The following SYBU variants were observed in gnomAD, a reference collection of about 807,000 sequenced individuals.
SYBU encodes the protein GOLSYN A protein.
In SYBU, 21 loss-of-function variants were observed where a neutral mutation model predicts 35.9. The ratio of observed to expected loss-of-function variants is 0.58; its 90% CI spans 0.41 to 0.84. The LOEUF is 0.84. SYBU is among the 40% of genes least tolerant of loss of function. The pLI is 0.00. For synonymous variants in SYBU, 319 were observed against 324.3 expected, an observed-to-expected ratio of 0.98 and a Z score of 0.18; for missense variants, 768 against 848.2, an observed-to-expected ratio of 0.91 and a Z score of 1.17.
At position 109,584,818 on chromosome 8, in the gene SYBU, A is replaced by C. The variant is rs1043419465; in HGVS notation, c.530+1242T>G. 6.6e-6 allele frequency among the ~76,000 whole-genome samples: 1 copy of C among 152,110 alleles called. No homozygotes were observed. Among genetic ancestry groups the C allele is most frequent in the Non-Finnish European group, 1.5e-5 (1 of 68,020 alleles). ...TGGAAAGGCAGGCTTTTGGAAACTA[A>C]ATAGATTTTCTCCAGGAAGAGACCT... is the stretch of plus-strand genomic sequence containing the variant. On this transcript the variant is annotated intron_variant, in intron 4 of 6. Transcript: ENST00000276646. The surrounding 1 kb of genome is among the most constrained non-coding windows in gnomAD (Gnocchi z 4.0).
chr8:109,575,515 G>A lies in SYBU; in HGVS notation c.1383C>T (p.Ser461=), dbSNP rs780668031. The part of the protein sequence containing the change: ...TESGDLELVH[S]TPGANVLELL... Reference sequence around the variant, plus strand: ...GCTCCAGGACGTTAGCCCCAGGGGTGGAATGCACAAGCTCCAGGTCACCAG... The same window carrying A: ...GCTCCAGGACGTTAGCCCCAGGGGTAGAATGCACAAGCTCCAGGTCACCAG... The change falls in exon 7 of 7, where the codon TCC becomes TCT. Residue 461 remains serine, a synonymous_variant. Transcript: ENST00000276646. 1 of 1,614,030 alleles carries A rather than the reference G, an allele frequency of 6.2e-7. No individual in the cohort carries two copies. The highest frequency in any genetic ancestry group is 8.5e-7 in the Non-Finnish European group (1 of 1,180,034).
At chr8:109,647,645 G>A (rs867353538), upstream of SYBU, 1 of 152,140 alleles carries the variant, frequency 6.6e-6, no homozygotes, top group Non-Finnish European at 1.5e-5. Flanking sequence ...ACCCCATAAG[G>A]GGCCCATCAG....
intron 3 of SYBU, among the ~76,000 whole-genome samples, chr8:109,595,021 T>G (rs1824703493): frequency 6.6e-6 from 1 of 152,190 alleles, no homozygotes; most frequent in Non-Finnish European, 1.5e-5. Context: ...GTAAGGATGA[T>G]GTAAGATAAT....
At chr8:109,594,701 C>T (rs926700050) in intron 3 of SYBU, among the ~76,000 whole-genome samples, 34 of 152,096 alleles carry the variant, frequency 2.2e-4, no homozygotes, top group Non-Finnish European at 3.4e-4. Flanking sequence ...GCATATGTCT[C>T]GCACGTGGCT....
At chr8:109,648,974 G>C (rs1052789595), upstream of SYBU, 2 of 135,422 alleles carry the variant, frequency 1.5e-5, no homozygotes, top group African/African-American at 5.6e-5. Flanking sequence ...GAGCATGTGT[G>C]ATTGATCAAC....
At chr8:109,676,452 T>A (rs3133925) in intron 1 of SYBU, among the ~76,000 whole-genome samples, 135,108 of 152,246 alleles carry the variant, frequency 0.89, 59,979 homozygotes, top group East Asian at 0.96. Context: ...TAGGATACAA[T>A]ATCAATGTGC....
intron 1 of SYBU, among the ~76,000 whole-genome samples, chr8:109,655,054 C>T (rs1420908584): frequency 6.6e-6 from 1 of 152,194 alleles, no homozygotes; most frequent in African/African-American, 2.4e-5. Context: ...CAAATGAAAT[C>T]TTTCAATGCT....
At chr8:109,634,466 T>G (rs75503437) in intron 2 of SYBU, among the ~76,000 whole-genome samples, 1 of 152,242 alleles carries the variant, frequency 6.6e-6, no homozygotes, top group Non-Finnish European at 1.5e-5. Context: ...ACTACTAAGA[T>G]AGTGCCATGC....
chr8:109,632,430 T>G (rs976355498), intron 2 of SYBU, among the ~76,000 whole-genome samples: 2 of 152,252 alleles, frequency 1.3e-5, no homozygotes, highest in Non-Finnish European at 2.9e-5. Context: ...TGAGTTGTCT[T>G]GTAGCAATGT....
In SYBU at chr8:109,642,841, T is replaced by A; in HGVS notation, c.116A>T (p.His39Leu). 6.2e-7 allele frequency: 1 copy of A among 1,612,782 alleles called. No individual in the cohort carries two copies. The highest frequency in any genetic ancestry group is 8.5e-7 in the Non-Finnish European group (1 of 1,179,414). The change falls in exon 2 of 7, where the codon CAC becomes CTC. Residue 39 changes from histidine (H) to leucine (L), a missense_variant. Transcript: ENST00000276646. ...AGACTCAGAGGCTGGGGACACTTTGTGCTGTTGTTGGGGCATATGGGGCCG... is the reference window on the plus strand; with the variant it reads ...AGACTCAGAGGCTGGGGACACTTTGAGCTGTTGTTGGGGCATATGGGGCCG... ...ILRPHMPQQQHKVSPASESPF... is the reference protein window; with the variant it reads ...ILRPHMPQQQLKVSPASESPF...
At chr8:109,656,688 A>G (rs1816368869) in intron 1 of SYBU, among the ~76,000 whole-genome samples, 1 of 152,188 alleles carries the variant, frequency 6.6e-6, no homozygotes, top group Admixed American at 6.5e-5. Context: ...TTCAACAAAT[A>G]TTAATTGAGC....
chr8:109,638,828 A>G (rs1176907460), intron 2 of SYBU, among the ~76,000 whole-genome samples: 1 of 152,180 alleles, frequency 6.6e-6, no homozygotes, highest in Admixed American at 6.5e-5. Context: ...TGCTGATGAA[A>G]TGCACAAAAC....
intron 3 of SYBU, among the ~76,000 whole-genome samples, chr8:109,618,412 C>G (rs993094605): frequency 6.6e-6 from 1 of 152,134 alleles, no homozygotes; most frequent in African/African-American, 2.4e-5. Flanking sequence ...ATGCCCAGCT[C>G]TACATATTTG....
upstream of SYBU, chr8:109,647,650 C>T (rs1815842991): frequency 6.6e-6 from 1 of 152,222 alleles, no homozygotes; most frequent in Non-Finnish European, 1.5e-5. Context: ...ATAAGGGGCC[C>T]ATCAGTGCAA....
intron 3 of SYBU, among the ~76,000 whole-genome samples, chr8:109,589,245 T>C (rs192372124): frequency 5.3e-5 from 8 of 152,162 alleles, no homozygotes; most frequent in Admixed American, 2.0e-4. Flanking sequence ...CAAAGCCTGC[T>C]CCTAACCCAT....
chr8:109,644,088 G>A (rs1482249652), intron 1 of SYBU: 2 of 456,754 alleles, frequency 4.4e-6, no homozygotes, highest in African/African-American at 4.0e-5. Context: ...CCTCTGGGAG[G>A]CCGGCACATG....
chr8:109,670,907 G>A (rs934486324), intron 1 of SYBU, among the ~76,000 whole-genome samples: 3 of 152,062 alleles, frequency 2.0e-5, no homozygotes, highest in Admixed American at 1.3e-4. Context: ...TAGAATGGAA[G>A]AGAGAGAGAG....
At chr8:109,674,792 C>T (rs1817123060) in intron 1 of SYBU, among the ~76,000 whole-genome samples, 1 of 152,146 alleles carries the variant, frequency 6.6e-6, no homozygotes, top group Admixed American at 6.5e-5. Flanking sequence ...ACCAAGCAGA[C>T]ATAATAGACA....
intron 1 of SYBU, among the ~76,000 whole-genome samples, chr8:109,670,339 C>T (rs1175165602): frequency 6.6e-6 from 1 of 150,376 alleles, no homozygotes; most frequent in East Asian, 1.9e-4. Context: ...TGTTGGTGTG[C>T]TGCACCCATT....
Sources: allele counts gnomAD v4.1 joint callset (sites outside exome capture counted in the v4.1 genomes callset), GRCh38; gene constraint gnomAD v4.1.1; non-coding constraint Gnocchi (gnomAD v3.1); transcripts MANE v1.5; gene names NCBI Gene and HGNC (gene_info 2026-07-23, HGNC 2026-07-21).